The following ATRNL1 variants were observed in gnomAD, a reference collection of about 807,000 sequenced individuals.
ATRNL1 encodes attractin-like protein 1.
A neutral mutation model predicts 182.7 loss-of-function variants in ATRNL1; 95 were observed. The observed-to-expected ratio is 0.52, with a 90% CI of 0.44 to 0.62. The LOEUF is 0.62. Among genes scored for constraint, ATRNL1 ranks in the 20% least tolerant of loss-of-function variants. The pLI is 0.00. For missense variants in ATRNL1, 1,471 were observed against 1,679.5 expected, an observed-to-expected ratio of 0.88 and a Z score of 2.17; for synonymous variants, 576 against 568.3, an observed-to-expected ratio of 1.01 and a Z score of -0.19.
At chr10:115,885,983 A>G (rs1032486354) in intron 28 of ATRNL1, among the ~76,000 whole-genome samples, 1 of 152,178 alleles carries the variant, frequency 6.6e-6, no homozygotes, top group Admixed American at 6.5e-5. Context: ...TTACCTTGTG[A>G]CAATGTCAGT....
intron 27 of ATRNL1, among the ~76,000 whole-genome samples, chr10:115,783,690 T>C (rs1949323861): frequency 1.3e-5 from 2 of 152,144 alleles, no homozygotes; most frequent in African/African-American, 2.4e-5. Flanking sequence ...GCAGGAATTA[T>C]TTAGCTCAGA....
intron 18 of ATRNL1, among the ~76,000 whole-genome samples, chr10:115,317,518 C>G (rs1016208766): frequency 1.3e-5 from 2 of 152,178 alleles, no homozygotes; most frequent in African/African-American, 4.8e-5. Context: ...TTCTTCCTCT[C>G]CATGAGATAG....
intron 27 of ATRNL1, among the ~76,000 whole-genome samples, chr10:115,762,773 G>A (rs1162760343): frequency 6.6e-6 from 1 of 152,022 alleles, no homozygotes; most frequent in Non-Finnish European, 1.5e-5. Context: ...AATGTAACCA[G>A]TTAATCATCA....
intron 19 of ATRNL1, among the ~76,000 whole-genome samples, chr10:115,355,997 T>C (rs1856487975): frequency 6.6e-6 from 1 of 152,126 alleles, no homozygotes. Flanking sequence ...CTTTTTGGCA[T>C]ACTGTGACTA....
chr10:115,582,217 G>A (rs61882962), intron 26 of ATRNL1, among the ~76,000 whole-genome samples: 2 of 46,132 alleles, frequency 4.3e-5, no homozygotes, highest in East Asian at 7.1e-3. Context: ...GTGTGCACGT[G>A]TCTTTATAGC....
intron 13 of ATRNL1, among the ~76,000 whole-genome samples, chr10:115,277,333 A>G (rs189757339): frequency 4.2e-4 from 64 of 152,212 alleles, no homozygotes; most frequent in African/African-American, 1.5e-3. Flanking sequence ...CAGTAAGTGT[A>G]AAATGCTCTA....
intron 28 of ATRNL1, among the ~76,000 whole-genome samples, chr10:115,942,995 A>G (rs938018521): frequency 6.6e-6 from 1 of 152,232 alleles, no homozygotes; most frequent in Non-Finnish European, 1.5e-5. Flanking sequence ...TGGACAAACA[A>G]TGTAACAAAG....
chr10:115,152,826 A>G (rs1332662407), intron 5 of ATRNL1, among the ~76,000 whole-genome samples: 1 of 152,158 alleles, frequency 6.6e-6, no homozygotes, highest in African/African-American at 2.4e-5. Flanking sequence ...GTTTTTGCCC[A>G]TTCAATATCA....
chr10:115,313,516 A>C (rs529796142), intron 17 of ATRNL1, among the ~76,000 whole-genome samples: 3 of 152,270 alleles, frequency 2.0e-5, no homozygotes, highest in Non-Finnish European at 4.4e-5. Flanking sequence ...GGAATGGCAG[A>C]GGTATCATGA....
At chr10:115,623,088 A>G (rs530211897) in intron 26 of ATRNL1, among the ~76,000 whole-genome samples, 15 of 152,312 alleles carry the variant, frequency 9.8e-5, no homozygotes, top group Admixed American at 3.3e-4. Flanking sequence ...TAACTTTCTC[A>G]GTAAATGATA....
In ATRNL1 at chr10:115,786,511, G is replaced by A. The variant is rs1199863585; in HGVS notation, c.3903+59156G>A. ...TTGTATCACTCCCATCTCTGCCTTC[G>A]TCATCACATGCACTTCCTCTTCCTT... On this transcript the variant is annotated intron_variant, in intron 27 of 28. Coordinates refer to ENST00000355044, the MANE Select transcript of ATRNL1 (RefSeq NM_207303.4). 5.3e-5 allele frequency among the ~76,000 whole-genome samples: 8 copies of A among 152,204 alleles called. No individual in the cohort carries two copies. In the South Asian group the frequency reaches 1.0e-3, roughly 20 times the overall value.
chr10:115,407,747 T>C lies in ATRNL1; in HGVS notation c.3269+12995T>C, dbSNP rs376354499. Among the ~76,000 whole-genome samples the C allele has an allele frequency of 9.2e-5, 14 of 152,302 alleles. No homozygotes were observed. The South Asian group carries it at 2.9e-3, about 32-fold the overall frequency. ...TATTTTCCTTTGTATAAATACCCAG[T>C]AGTGGGAAGTCTGCATCATATGTAT... On this transcript the variant is annotated intron_variant, in intron 20 of 28. Transcript: ENST00000355044.
intron 21 of ATRNL1, among the ~76,000 whole-genome samples, chr10:115,460,453 G>C (rs376018407): frequency 1.3e-5 from 2 of 151,896 alleles, no homozygotes; most frequent in South Asian, 2.1e-4. Context: ...TCTTAAAAAG[G>C]CTGCATTCTT....
chr10:115,180,541 T>C (rs533168501), intron 8 of ATRNL1, among the ~76,000 whole-genome samples: 1 of 152,086 alleles, frequency 6.6e-6, no homozygotes, highest in African/African-American at 2.4e-5. Flanking sequence ...TTGAGACATA[T>C]CCTGATAAAC....
intron 28 of ATRNL1, among the ~76,000 whole-genome samples, chr10:115,849,793 G>A (rs1239457899): frequency 6.6e-6 from 1 of 152,052 alleles, no homozygotes; most frequent in Non-Finnish European, 1.5e-5. Flanking sequence ...TAGAGCAAAA[G>A]AATAAAAAAT....
chr10:115,579,241 T>C (rs1292987629), intron 26 of ATRNL1, among the ~76,000 whole-genome samples: 1 of 151,808 alleles, frequency 6.6e-6, no homozygotes, highest in African/African-American at 2.4e-5. Flanking sequence ...TTAATGTTCC[T>C]TTATTGAATT....
In ATRNL1 at chr10:115,173,892, T is replaced by G. The variant is rs561453333; in HGVS notation, c.1348+2600T>G. Among the ~76,000 whole-genome samples the G allele has an allele frequency of 4.0e-5, 6 of 151,460 alleles. No homozygotes were observed. The South Asian group carries it at 1.2e-3, about 31-fold the overall frequency. Reference sequence around the variant, plus strand: ...GCATACGAGAGAGTTGAATTTTGCTTTGTGATTCCTGTTTTTTTTTTTGTA... The same window carrying G: ...GCATACGAGAGAGTTGAATTTTGCTGTGTGATTCCTGTTTTTTTTTTTGTA... On this transcript the variant is annotated intron_variant, in intron 8 of 28. Transcript: ENST00000355044.
chr10:115,670,080 G>C (rs1945647882), intron 26 of ATRNL1, among the ~76,000 whole-genome samples: 1 of 152,072 alleles, frequency 6.6e-6, no homozygotes, highest in Admixed American at 6.6e-5. Flanking sequence ...TGGAGCCAGA[G>C]AACTGGGTTT....
chr10:115,620,295 C>T (rs373974516), intron 26 of ATRNL1, among the ~76,000 whole-genome samples: 13 of 152,096 alleles, frequency 8.5e-5, no homozygotes, highest in African/African-American at 2.4e-4. Context: ...GACACCAAGC[C>T]GTTCATGAAG....
Sources: allele counts gnomAD v4.1 joint callset (sites outside exome capture counted in the v4.1 genomes callset), GRCh38; gene constraint gnomAD v4.1.1; transcripts MANE v1.5; gene names NCBI Gene and HGNC (gene_info 2026-07-23, HGNC 2026-07-21).